Variants in VPS13B observed in about 807,000 individuals in gnomAD.
VPS13B encodes intermembrane lipid transfer protein VPS13B.
A neutral mutation model predicts 426.4 loss-of-function variants in VPS13B; 285 were observed. That is an observed-to-expected ratio of 0.67 (90% confidence interval 0.61 to 0.74). The LOEUF is 0.74. VPS13B is among the 30% of genes least tolerant of loss of function. The pLI is 0.00. For missense variants in VPS13B, 4,537 were observed against 4,782.6 expected (o/e 0.95, Z 1.51); for synonymous variants, 1,676 against 1,676.4 (o/e 1.00, Z 0.01).
chr8:99,877,306 A>G lies in VPS13B; in HGVS notation c.*1640A>G, dbSNP rs776399433. 1.3e-5 allele frequency: 2 copies of G among 152,690 alleles called. No individual in the cohort carries two copies. The highest frequency in any genetic ancestry group is 2.9e-5 in the Non-Finnish European group (2 of 68,046). 9.5% of individuals were successfully genotyped at this position (152,690 alleles called of 1,614,324 possible). ...AATATTTAGAAAAGTGACAGCTGTC[A>G]ACCTCAGAGTAACTATTTCTAAAAA... On this transcript the variant is annotated 3_prime_UTR_variant, in exon 62 of 62. Transcript: ENST00000357162.
intron 19 of VPS13B, among the ~76,000 whole-genome samples, chr8:99,313,385 C>T (rs1821124427): frequency 6.6e-6 from 1 of 152,200 alleles, no homozygotes; most frequent in African/African-American, 2.4e-5. Context: ...TTCCTGCTAA[C>T]AGTCAGGACC....
intron 35 of VPS13B, chr8:99,696,421 G>A: frequency 2.9e-6 from 1 of 347,490 alleles, no homozygotes; most frequent in Non-Finnish European, 5.7e-6. Flanking sequence ...GCACATCCTT[G>A]ACAGCCACAC....
intron 15 of VPS13B, among the ~76,000 whole-genome samples, chr8:99,157,075 C>T (rs1473900989): frequency 6.6e-6 from 1 of 152,008 alleles, no homozygotes; most frequent in Non-Finnish European, 1.5e-5. Context: ...TTTGAAGACT[C>T]ATGTTTTTTT....
chr8:99,410,230 C>T (rs948482665), intron 21 of VPS13B, among the ~76,000 whole-genome samples: 1 of 152,078 alleles, frequency 6.6e-6, no homozygotes, highest in Non-Finnish European at 1.5e-5. Context: ...CTCTTGGTAC[C>T]TTCAGGATGA....
chr8:99,024,148 T>G (rs1457573658), intron 2 of VPS13B, among the ~76,000 whole-genome samples: 1 of 152,224 alleles, frequency 6.6e-6, no homozygotes, highest in African/African-American at 2.4e-5. Flanking sequence ...ATTTTCCCTG[T>G]GATTAGTGAT....
At chr8:99,656,879 G>A (rs1830037798) in intron 34 of VPS13B, among the ~76,000 whole-genome samples, 1 of 152,130 alleles carries the variant, frequency 6.6e-6, no homozygotes, top group Non-Finnish European at 1.5e-5. Context: ...CTGGGAAAAG[G>A]GCCACCAGCC....
chr8:99,318,872 G>A (rs1248681160), intron 19 of VPS13B, among the ~76,000 whole-genome samples: 4 of 152,086 alleles, frequency 2.6e-5, no homozygotes, highest in Admixed American at 6.5e-5. Flanking sequence ...TTGTTCAGGT[G>A]TGTTATTTTA....
chr8:99,300,863 T>C (rs550139456), intron 19 of VPS13B, among the ~76,000 whole-genome samples: 1 of 150,280 alleles, frequency 6.7e-6, no homozygotes, highest in East Asian at 1.9e-4. Context: ...TGGGAAAAAA[T>C]CAGATTATTT....
Position 99,642,441 on chromosome 8 carries a change from G to A in VPS13B, c.5851G>A (p.Glu1951Lys), listed in dbSNP as rs1276800265. ...TTGTCACCACAGAAAGCAGCGAGTG[G>A]AAGTATCCATTTTTGATGCTGTGCT... ...LSCHHRKQRVEVSIFDAVLKG... is the reference protein window; with the variant it reads ...LSCHHRKQRVKVSIFDAVLKG... Residue 1951 changes from glutamate to lysine, a missense_variant, in exon 34 of 62, where the codon GAA becomes AAA. Around this residue, in one of 2 missense-constraint regions of VPS13B, gnomAD observed 4,311 missense variants for 4,474.3 expected, o/e 0.96. Transcript: ENST00000357162. The A allele has an allele frequency of 1.2e-6, 2 of 1,613,916 alleles. No homozygotes were observed. The highest frequency in any genetic ancestry group is 1.3e-5 in the African/African-American group (1 of 74,896).
chr8:99,790,247 G>A (rs1220576370), intron 43 of VPS13B, among the ~76,000 whole-genome samples: 1 of 151,968 alleles, frequency 6.6e-6, no homozygotes, highest in African/African-American at 2.4e-5. Flanking sequence ...ACACTTTCCT[G>A]TCCAGAAACC....
At chr8:99,772,648 A>G (rs928594362) in intron 40 of VPS13B, among the ~76,000 whole-genome samples, 1 of 152,258 alleles carries the variant, frequency 6.6e-6, no homozygotes, top group African/African-American at 2.4e-5. Flanking sequence ...TATTATCACA[A>G]TAGAAAATAG....
chr8:99,136,853 A>G, intron 12 of VPS13B, 101 bp downstream of exon 12: 1 of 1,109,808 alleles, frequency 9.0e-7, no homozygotes, highest in African/African-American at 1.5e-5. Flanking sequence ...CTGCTACATA[A>G]GATTTATCTT....
intron 35 of VPS13B, among the ~76,000 whole-genome samples, chr8:99,684,775 G>C (rs1199228672): frequency 1.3e-5 from 2 of 152,158 alleles, no homozygotes; most frequent in Admixed American, 1.3e-4. Flanking sequence ...GACATCATTA[G>C]ATGTTTATTT....
At chr8:99,875,391 C>CTAATCTTTATTATTTTTGGATCCTA in intron 61 of VPS13B, 27 bp from the exon 62 acceptor site, 1 of 1,614,084 alleles carries the variant, frequency 6.2e-7, no homozygotes, top group Non-Finnish European at 8.5e-7. Flanking sequence ...GGTCTGGCAA[C>CTAATCTTTATTATTTTTGGATCCTA]TAATCTTTAT....
At chr8:99,836,695 A>G (rs1466150812) in intron 54 of VPS13B, among the ~76,000 whole-genome samples, 3 of 152,200 alleles carry the variant, frequency 2.0e-5, no homozygotes, top group Admixed American at 2.0e-4. Flanking sequence ...CAAGCTTGTG[A>G]GGTAGGCTAC....
chr8:99,511,620 C>A, intron 29 of VPS13B, 108 bp downstream of exon 29: 1 of 1,158,348 alleles, frequency 8.6e-7, no homozygotes, highest in Non-Finnish European at 1.2e-6. Context: ...GTTGGTTGTG[C>A]TTTGTGGTTT....
At chr8:99,024,686 C>T (rs1029068029) in intron 2 of VPS13B, among the ~76,000 whole-genome samples, 5 of 152,146 alleles carry the variant, frequency 3.3e-5, no homozygotes, top group Admixed American at 2.6e-4. Context: ...AAGTACCATG[C>T]TGTTTTGATT....
intron 39 of VPS13B, among the ~76,000 whole-genome samples, chr8:99,742,747 C>A (rs575568949): frequency 6.6e-6 from 1 of 152,264 alleles, no homozygotes; most frequent in East Asian, 1.9e-4. Context: ...TCAATAGATG[C>A]AGAAAAGGCC....
At chr8:99,816,392 G>A (rs1031902433) in intron 44 of VPS13B, among the ~76,000 whole-genome samples, 15 of 152,160 alleles carry the variant, frequency 9.9e-5, no homozygotes, top group Admixed American at 5.2e-4. Flanking sequence ...GTGAACCACC[G>A]CACCTGGCCA....
Sources: gnomAD v4.1 joint callset for allele counts (sites outside exome capture counted in the v4.1 genomes callset) on GRCh38, gnomAD v4.1.1 for gene constraint, gnomAD v4.1.1 regional missense constraint, MANE v1.5 for transcripts, NCBI Gene and HGNC (gene_info 2026-07-23, HGNC 2026-07-21) for gene names.